Variants in PXDNL observed in about 807,000 individuals in gnomAD.
PXDNL encodes the protein probable oxidoreductase PXDNL.
PXDNL carries 145 observed loss-of-function variants against 150.8 expected under a neutral mutation model. The observed-to-expected ratio is 0.96, with a 90% CI of 0.84 to 1.10. PXDNL has a LOEUF of 1.10. PXDNL is among the 50% of genes least tolerant of loss of function. The probability of loss-of-function intolerance (pLI) is 0.00; values close to 1 mark genes in which losing one functional copy is unlikely to be tolerated. For synonymous variants in PXDNL, 757 were observed against 725.7 expected (o/e 1.04, Z -0.69); for missense variants, 2,087 against 1,873.9 (o/e 1.11, Z -2.10).
intron 14 of PXDNL, among the ~76,000 whole-genome samples, chr8:51,417,624 T>G (rs1439858004): frequency 6.6e-6 from 1 of 152,168 alleles, no homozygotes; most frequent in Non-Finnish European, 1.5e-5. Context: ...TCCCCCTTTT[T>G]CCCCCTGGGG....
intron 1 of PXDNL, among the ~76,000 whole-genome samples, chr8:51,703,293 CA>C (rs11344160): frequency 0.84 from 125,151 of 148,644 alleles, 52,850 homozygotes; most frequent in African/African-American, 0.94. Context: ...CTTTTCATAC[CA>C]AAAAAAAAAA....
chr8:51,586,346 A>G (rs58565207), intron 3 of PXDNL, among the ~76,000 whole-genome samples: 7,762 of 152,264 alleles, frequency 0.051, 460 homozygotes, highest in African/African-American at 0.15. Context: ...AGACCAGAAG[A>G]TCTGAGCCAG....
rs187635632 is a variant in PXDNL, at chr8:51,373,216, T to C, written c.3693-1135A>G. On this transcript the variant is annotated intron_variant, in intron 18 of 22. Coordinates refer to ENST00000356297, the MANE Select transcript of PXDNL (RefSeq NM_144651.5). ...CTTATAAGAAAAGGAAATGTGGACA[T>C]AGATAACAGAGGGAAGACCACGTGA... Among the ~76,000 whole-genome samples the C allele has an allele frequency of 1.9e-3, 284 of 152,256 alleles. 5 individuals are homozygous for C. The highest frequency in any genetic ancestry group is 3.7e-4 in the Non-Finnish European group (25 of 68,022).
intron 1 of PXDNL, among the ~76,000 whole-genome samples, chr8:51,804,389 T>C (rs1279411412): frequency 1.3e-5 from 2 of 152,198 alleles, no homozygotes; most frequent in East Asian, 3.8e-4. Context: ...TTAGTGATTT[T>C]TGGGGACCCA....
At chr8:51,711,566 A>T (rs1816499170) in intron 1 of PXDNL, among the ~76,000 whole-genome samples, 1 of 152,260 alleles carries the variant, frequency 6.6e-6, no homozygotes, top group Non-Finnish European at 1.5e-5. Flanking sequence ...CTCCAGAATT[A>T]TGAAAAAGAA....
At position 51,472,136 on chromosome 8, in the gene PXDNL, T is replaced by G; in HGVS notation, c.812+51A>C. On this transcript the variant is annotated intron_variant, in intron 8 of 22. Transcript: ENST00000356297. The stretch of plus-strand genomic sequence containing the variant: ...AAGGAGTTAAATTGAGTTAAAAAGA[T>G]TGCTGGAATCAGAAGGAGAATCACA... 2.5e-6 allele frequency: 3 copies of G among 1,202,140 alleles called. No individual in the cohort carries two copies. The Admixed American group carries it at 5.5e-5, about 22-fold the overall frequency. The allele number at this position is 1,202,140 out of a possible 1,614,324, so 74.5% of individuals were successfully genotyped here. A position where few individuals can be genotyped will look rare whatever the true frequency, so the allele number is the denominator to read the frequency against.
Position 51,409,186 on chromosome 8 carries a change from T to A in PXDNL, c.2438A>T (p.Asp813Val), listed in dbSNP as rs1322775204. The stretch of plus-strand genomic sequence containing the variant: ...CAGCGCAGGCACTGTGTGGTCCAAG[T>A]CGTGCTCTAGAAACCAGCCCCAGTG... The part of the protein sequence containing the change: ...LMHWGWFLEH[D>V]LDHTVPALST... Residue 813 changes from aspartate to valine, a missense_variant, in exon 17 of 23, where the codon GAC (aspartate) becomes GTC (valine). By Grantham distance (152) the Asp-to-Val change is radical. Coordinates refer to ENST00000356297, the MANE Select transcript of PXDNL (RefSeq NM_144651.5). The A allele has an allele frequency of 5.6e-6, 9 of 1,594,072 alleles. No homozygotes were observed. In the Admixed American group the frequency reaches 6.9e-5, roughly 12 times the overall value.
At chr8:51,354,618 C>T (rs1806448660) in intron 19 of PXDNL, among the ~76,000 whole-genome samples, 1 of 152,042 alleles carries the variant, frequency 6.6e-6, no homozygotes, top group Non-Finnish European at 1.5e-5. Flanking sequence ...AGGAACATAT[C>T]TGATGGGAAA....
intron 1 of PXDNL, among the ~76,000 whole-genome samples, chr8:51,714,484 A>G (rs771987710): frequency 6.6e-6 from 1 of 152,120 alleles, no homozygotes; most frequent in Non-Finnish European, 1.5e-5. Flanking sequence ...TCTTTTTTTA[A>G]TGGCTCAATG....
intron 11 of PXDNL, 68 bp downstream of exon 11, chr8:51,448,934 T>C (rs978836931): frequency 1.1e-5 from 8 of 709,200 alleles, no homozygotes; most frequent in African/African-American, 1.8e-5. Flanking sequence ...ATTTAAACTA[T>C]TTTTTTTTAC....
Position 51,339,737 on chromosome 8 carries a change from A to G in PXDNL, c.4033T>C (p.Tyr1345His), listed in dbSNP as rs1462530857. The G allele has an allele frequency of 1.2e-6, 2 of 1,607,406 alleles. No individual in the cohort carries two copies. The highest frequency in any genetic ancestry group is 1.1e-5 in the South Asian group (1 of 89,230). The part of the protein sequence containing the change: ...HLRSRQQDKI[Y>H]VGEDARNVTV... ...ACATTTCTAGCATCTTCACCCACAT[A>G]TATTTTATCTTGTTGCCTATTTATA... Residue 1345 changes from tyrosine to histidine, a missense_variant, in exon 21 of 23, where the codon TAT becomes CAT. Physicochemically the swap from Tyr to His is moderately conservative, Grantham distance 83 (BLOSUM62 2). Transcript: ENST00000356297.
chr8:51,336,950 C>A (rs757405129), intron 21 of PXDNL, among the ~76,000 whole-genome samples: 7 of 152,080 alleles, frequency 4.6e-5, no homozygotes, highest in Non-Finnish European at 8.8e-5. Flanking sequence ...AGATCTAGAG[C>A]TAACTTTTCA....
intron 3 of PXDNL, among the ~76,000 whole-genome samples, chr8:51,564,788 T>C (rs1225889599): frequency 6.6e-6 from 1 of 151,952 alleles, no homozygotes; most frequent in Non-Finnish European, 1.5e-5. Flanking sequence ...CCAAAACCAT[T>C]GGTGAAATTT....
intron 14 of PXDNL, among the ~76,000 whole-genome samples, chr8:51,422,534 T>C (rs781164624): frequency 2.0e-5 from 3 of 152,202 alleles, no homozygotes; most frequent in Non-Finnish European, 4.4e-5. Context: ...TGTTATGAAA[T>C]ATTATTGTAC....
Position 51,409,709 on chromosome 8 carries a change from C to T in PXDNL, c.2063-148G>A, listed in dbSNP as rs1334315940. Reference sequence around the variant, plus strand: ...CTTACTTCCAAAAACATTTCGTTAGCTCACAACAAAAGGGGGGATCATTCT... The same window carrying T: ...CTTACTTCCAAAAACATTTCGTTAGTTCACAACAAAAGGGGGGATCATTCT... On this transcript the variant is annotated intron_variant, in intron 16 of 22. Transcript: ENST00000356297. 8.8e-6 allele frequency: 5 copies of T among 568,608 alleles called. No homozygotes were observed. The Admixed American group carries it at 1.3e-4, about 14-fold the overall frequency. 35.2% of individuals were successfully genotyped at this position (568,608 alleles called of 1,614,324 possible). A position where few individuals can be genotyped will look rare whatever the true frequency, so the allele number is the denominator to read the frequency against.
chr8:51,424,204 A>C (rs1479067496), intron 13 of PXDNL, among the ~76,000 whole-genome samples: 1 of 152,026 alleles, frequency 6.6e-6, no homozygotes, highest in African/African-American at 2.4e-5. Context: ...CCCTACAAAA[A>C]AAAATAGAAC....
At chr8:51,789,785 G>A (rs532028624) in intron 1 of PXDNL, among the ~76,000 whole-genome samples, 2 of 152,216 alleles carry the variant, frequency 1.3e-5, no homozygotes, top group African/African-American at 4.8e-5. Flanking sequence ...TCAGGGGAAA[G>A]AGCACACAAA....
intron 14 of PXDNL, 77 bp downstream of exon 14, chr8:51,423,480 AGAGCATGATTAGTGAGAT>A: frequency 1.0e-6 from 1 of 975,280 alleles, no homozygotes; most frequent in Non-Finnish European, 1.5e-6. Context: ...AAAGTATAAG[AGAGCATGATTAGTGAGAT>A]CAGTCAAATA....
intron 3 of PXDNL, among the ~76,000 whole-genome samples, chr8:51,568,713 G>A (rs1282747570): frequency 3.3e-5 from 5 of 151,582 alleles, no homozygotes; most frequent in East Asian, 1.9e-4. Flanking sequence ...ATTTTCTTCC[G>A]ATCTGGTATT....
Sources: gnomAD v4.1 joint callset for allele counts (sites outside exome capture counted in the v4.1 genomes callset) on GRCh38, gnomAD v4.1.1 for gene constraint, MANE v1.5 for transcripts, NCBI Gene and HGNC (gene_info 2026-07-23, HGNC 2026-07-21) for gene names.